Variants in KCNQ5 observed in about 807,000 individuals in gnomAD.
KCNQ5 encodes potassium voltage-gated channel subfamily KQT member 5.
A neutral mutation model predicts 98.2 loss-of-function variants in KCNQ5; 30 were observed. That is an observed-to-expected ratio of 0.31 (90% CI 0.23 to 0.41). KCNQ5 has a LOEUF of 0.41. Among genes scored for constraint, KCNQ5 ranks in the 10% least tolerant of loss-of-function variants. The probability of loss-of-function intolerance (pLI) is 1.00; values close to 1 mark genes in which losing one functional copy is unlikely to be tolerated. For synonymous variants in KCNQ5, 458 were observed against 449.4 expected, an observed-to-expected ratio of 1.02 and a Z score of -0.24; for missense variants, 835 against 1,182.5, an observed-to-expected ratio of 0.71 and a Z score of 4.31.
rs537483337 is a variant in KCNQ5 at position 72,841,851 on chromosome 6, G to C, written c.399-162057G>C. 5.3e-5 allele frequency among the ~76,000 whole-genome samples: 8 copies of C among 152,170 alleles called. No individual in the cohort carries two copies. The East Asian group carries it at 1.5e-3, about 29-fold the overall frequency. ...TTACTGTAATTATTAAGAAACATTT[G>C]AGGAATGTTGACATTCAAATCAACT... On this transcript the variant is annotated intron_variant, in intron 1 of 13. Coordinates refer to ENST00000370398, the MANE Select transcript of KCNQ5 (RefSeq NM_019842.4).
intron 1 of KCNQ5, among the ~76,000 whole-genome samples, chr6:72,738,364 G>T (rs1770959710): frequency 6.6e-6 from 1 of 151,772 alleles, no homozygotes; most frequent in African/African-American, 2.4e-5. Context: ...ATAGAATCCA[G>T]ATATTCTGGT....
intron 1 of KCNQ5, among the ~76,000 whole-genome samples, chr6:72,921,088 AG>A (rs1780373299): frequency 6.6e-6 from 1 of 152,164 alleles, no homozygotes; most frequent in East Asian, 1.9e-4. Context: ...GAAGGGATAG[AG>A]GAGGAGACAG....
At chr6:72,768,657 G>A (rs1772697722) in intron 1 of KCNQ5, among the ~76,000 whole-genome samples, 1 of 151,960 alleles carries the variant, frequency 6.6e-6, no homozygotes, top group Admixed American at 6.6e-5. Flanking sequence ...GAAAGTGGAA[G>A]ACTGAGTAGG....
chr6:73,077,894 A>T lies in KCNQ5; in HGVS notation c.918+7A>T, dbSNP rs1582311237. ...TGCTCTCTGGTGGGGCACAGTAAGT[A>T]TAAAAATACATTTTTTATTTATTGG... On this transcript the variant is annotated splice_region_variant and intron_variant, in intron 5 of 13. Transcript: ENST00000370398. 6.3e-7 allele frequency: 1 copy of T among 1,577,076 alleles called. No homozygotes were observed. Among genetic ancestry groups the T allele is most frequent in the Non-Finnish European group, 8.6e-7 (1 of 1,166,158 alleles).
In KCNQ5 at chr6:73,195,555, T is replaced by C. The variant is rs1044530525; in HGVS notation, c.*141T>C. The C allele has an allele frequency of 5.6e-6, 6 of 1,065,272 alleles. No homozygotes were observed. In the South Asian group the frequency reaches 8.0e-5, roughly 14 times the overall value. The allele number at this position is 1,065,272 out of a possible 1,614,324, so 66.0% of individuals were successfully genotyped here. On this transcript the variant is annotated 3_prime_UTR_variant, in exon 14 of 14. Transcript: ENST00000370398. ...GGCAGTTTATAAGCCCGTTACCTTTTAATTGCATGAAAATGCATGTTTAGG... is the reference window on the plus strand; with the variant it reads ...GGCAGTTTATAAGCCCGTTACCTTTCAATTGCATGAAAATGCATGTTTAGG...
At chr6:72,773,437 C>T (rs1416603343) in intron 1 of KCNQ5, among the ~76,000 whole-genome samples, 2 of 152,054 alleles carry the variant, frequency 1.3e-5, no homozygotes, top group Non-Finnish European at 2.9e-5. Flanking sequence ...GAATATCACA[C>T]ACCAGGGCCT....
At chr6:72,751,023 G>A (rs535163832) in intron 1 of KCNQ5, among the ~76,000 whole-genome samples, 7 of 151,890 alleles carry the variant, frequency 4.6e-5, no homozygotes, top group Non-Finnish European at 8.8e-5. Flanking sequence ...AAAAAAAAAT[G>A]GCTAAGATAT....
rs181562438 is a variant in KCNQ5, at chr6:73,156,243, G to A, written c.1469-13503G>A. On this transcript the variant is annotated intron_variant, in intron 10 of 13. Transcript: ENST00000370398. ...ATTCATTACGGGATGTAATAAATTA[G>A]TTATCACCACCATTAATAGTAGCCA... Among the ~76,000 whole-genome samples, 26 of 152,292 alleles carry A rather than the reference G, an allele frequency of 1.7e-4. 1 individual carries two copies. The East Asian group carries it at 4.8e-3, about 28-fold the overall frequency.
chr6:72,766,122 G>A (rs2154477227), intron 1 of KCNQ5, among the ~76,000 whole-genome samples: 1 of 152,150 alleles, frequency 6.6e-6, no homozygotes, highest in East Asian at 1.9e-4. Context: ...GAAGACTTCT[G>A]CTCATACCTA....
chr6:72,766,152 C>A (rs1486405681), intron 1 of KCNQ5, among the ~76,000 whole-genome samples: 2 of 151,930 alleles, frequency 1.3e-5, no homozygotes, highest in Non-Finnish European at 2.9e-5. Context: ...AGGGAGCAAG[C>A]ATTGCAGTTG....
At chr6:72,723,471 G>C (rs1770083958) in intron 1 of KCNQ5, among the ~76,000 whole-genome samples, 1 of 152,004 alleles carries the variant, frequency 6.6e-6, no homozygotes, top group Non-Finnish European at 1.5e-5. Flanking sequence ...AATAATACTG[G>C]ATAAACATCT....
intron 1 of KCNQ5, among the ~76,000 whole-genome samples, chr6:72,724,393 G>A (rs9446740): frequency 0.39 from 59,098 of 152,084 alleles, 15,980 homozygotes; most frequent in African/African-American, 0.74. Context: ...AAAGAAAGAC[G>A]TAATTTTATA....
At position 72,903,152 on chromosome 6, in the gene KCNQ5, C is replaced by T. The variant is rs529647477; in HGVS notation, c.399-100756C>T. ...TTTATAGTAACCTTGAAAGATCTTT[C>T]GTATTTCTGTGGTGTCAGTTTTAAT... On this transcript the variant is annotated intron_variant, in intron 1 of 13. Transcript: ENST00000370398. Among the ~76,000 whole-genome samples, 17 of 152,034 alleles carry T rather than the reference C, an allele frequency of 1.1e-4. No homozygotes were observed. In the South Asian group the frequency reaches 3.3e-3, roughly 30 times the overall value.
chr6:73,100,037 G>A (rs73452859), intron 5 of KCNQ5, among the ~76,000 whole-genome samples: 33,791 of 152,106 alleles, frequency 0.22, 8,580 homozygotes, highest in African/African-American at 0.61. Context: ...AGTAACAAGA[G>A]AAAATTTGGA....
At chr6:72,776,140 G>A (rs1773151110) in intron 1 of KCNQ5, among the ~76,000 whole-genome samples, 1 of 152,106 alleles carries the variant, frequency 6.6e-6, no homozygotes, top group Admixed American at 6.6e-5. Flanking sequence ...AATTAAAAGT[G>A]TATTTAAAAT....
At chr6:73,110,869 C>T (rs1351887699) in intron 6 of KCNQ5, among the ~76,000 whole-genome samples, 1 of 152,154 alleles carries the variant, frequency 6.6e-6, no homozygotes, top group African/African-American at 2.4e-5. Context: ...GACTTTAACT[C>T]CCTCAGATTT....
At chr6:72,773,402 T>A (rs959306609) in intron 1 of KCNQ5, among the ~76,000 whole-genome samples, 1 of 152,036 alleles carries the variant, frequency 6.6e-6, no homozygotes, top group Non-Finnish European at 1.5e-5. Context: ...AGTTGAGCGA[T>A]GAGAACACAT....
chr6:73,068,833 G>A (rs1053132846), intron 3 of KCNQ5, among the ~76,000 whole-genome samples: 3 of 152,188 alleles, frequency 2.0e-5, no homozygotes, highest in African/African-American at 7.2e-5. Context: ...GTATGCTGCT[G>A]CAAACTTGTT....
chr6:73,109,311 C>T (rs1775130540), intron 6 of KCNQ5, among the ~76,000 whole-genome samples: 1 of 152,130 alleles, frequency 6.6e-6, no homozygotes, highest in Admixed American at 6.5e-5. Context: ...GATTAAACTC[C>T]GAACCTCACA....
Sources: gnomAD v4.1 joint callset for allele counts (sites outside exome capture counted in the v4.1 genomes callset) on GRCh38, gnomAD v4.1.1 for gene constraint, MANE v1.5 for transcripts, NCBI Gene and HGNC (gene_info 2026-07-23, HGNC 2026-07-21) for gene names.